The following KCNH5 variants were observed in gnomAD, a reference collection of about 807,000 sequenced individuals.
The protein encoded by KCNH5 is voltage-gated delayed rectifier potassium channel KCNH5.
KCNH5 carries 46 observed loss-of-function variants against 96.1 expected under a neutral mutation model. The observed-to-expected ratio is 0.48, with a 90% CI of 0.38 to 0.61. The LOEUF (loss-of-function observed/expected upper bound fraction) is 0.61, where lower values mean the gene tolerates loss of function less well. Ranked by LOEUF, KCNH5 falls within the 20% of genes least tolerant of loss-of-function variation. KCNH5 has a pLI of 0.00. For synonymous variants in KCNH5, 439 were observed against 449.8 expected (o/e 0.98, Z 0.30); for missense variants, 907 against 1,225.8 (o/e 0.74, Z 3.88).
At chr14:62,963,454 T>C (rs1295926882) in intron 6 of KCNH5, among the ~76,000 whole-genome samples, 1 of 152,058 alleles carries the variant, frequency 6.6e-6, no homozygotes, top group East Asian at 1.9e-4. Flanking sequence ...AGTTCCACAG[T>C]CTGCCATCTG....
chr14:62,830,779 C>A (rs559144903), intron 8 of KCNH5, among the ~76,000 whole-genome samples: 3 of 152,146 alleles, frequency 2.0e-5, no homozygotes, highest in Non-Finnish European at 4.4e-5. Context: ...AGAGTTAGGT[C>A]AAGGGAGGAT....
intron 7 of KCNH5, among the ~76,000 whole-genome samples, chr14:62,858,231 C>G (rs1887967261): frequency 6.6e-6 from 1 of 152,196 alleles, no homozygotes; most frequent in Non-Finnish European, 1.5e-5. Context: ...ACTACCCATT[C>G]TGTAGTCCTT....
At chr14:63,001,084 CA>C (rs1325487683) in intron 4 of KCNH5, among the ~76,000 whole-genome samples, 5 of 151,710 alleles carry the variant, frequency 3.3e-5, no homozygotes, top group South Asian at 4.2e-4. Flanking sequence ...AAAAGACAAA[CA>C]AAAAAAATGC....
chr14:62,828,634 A>C (rs537599412), intron 8 of KCNH5, among the ~76,000 whole-genome samples: 8 of 152,272 alleles, frequency 5.3e-5, no homozygotes, highest in South Asian at 4.1e-4. Context: ...AGCATGGAGG[A>C]AACTTCCCCC....
chr14:62,780,400 C>A (rs1253372533), intron 9 of KCNH5, among the ~76,000 whole-genome samples: 1 of 152,038 alleles, frequency 6.6e-6, no homozygotes, highest in Non-Finnish European at 1.5e-5. Context: ...GTGCCCCAAG[C>A]CAATTAAAAC....
intron 10 of KCNH5, among the ~76,000 whole-genome samples, chr14:62,728,250 G>C (rs938826982): frequency 5.3e-5 from 8 of 151,544 alleles, no homozygotes; most frequent in Admixed American, 5.3e-4. Flanking sequence ...AGCTGGGCGT[G>C]GTGGCAGGTG....
At chr14:62,799,720 TATATATACAC>T (rs1886615767) in intron 9 of KCNH5, among the ~76,000 whole-genome samples, 1 of 114,868 alleles carries the variant, frequency 8.7e-6, no homozygotes, top group African/African-American at 3.2e-5. Context: ...TATATATATA[TATATATACAC>T]ACACACACAC....
rs375209301 is a variant in KCNH5, at chr14:62,776,395, G to T, written c.2019+3333C>A. Among the ~76,000 whole-genome samples, 33 of 152,208 alleles carry T rather than the reference G, an allele frequency of 2.2e-4. 1 individual carries two copies. Among genetic ancestry groups the T allele is most frequent in the African/African-American group, 7.7e-4 (32 of 41,528 alleles). The stretch of plus-strand genomic sequence containing the variant: ...CTTGTCTCTCTTATGTGGGAACACA[G>T]TGAGAAGCTGGATATTTGCAAGCCA... On this transcript the variant is annotated intron_variant, in intron 10 of 10. Transcript: ENST00000322893.
intron 8 of KCNH5, among the ~76,000 whole-genome samples, chr14:62,823,444 T>C (rs1377256905): frequency 2.0e-5 from 3 of 152,054 alleles, no homozygotes; most frequent in African/African-American, 7.2e-5. Context: ...GTATGAGTAA[T>C]GGAGTCATGG....
intron 10 of KCNH5, among the ~76,000 whole-genome samples, chr14:62,750,413 C>T (rs1235605422): frequency 6.6e-6 from 1 of 152,192 alleles, no homozygotes; most frequent in African/African-American, 2.4e-5. Flanking sequence ...AAGCCCTGAC[C>T]TTTAGCCCAT....
chr14:62,797,548 G>A (rs1158125481), intron 9 of KCNH5, among the ~76,000 whole-genome samples: 2 of 152,120 alleles, frequency 1.3e-5, no homozygotes, highest in Non-Finnish European at 1.5e-5. Context: ...AACAGCAAGT[G>A]CACAGGAAGA....
chr14:63,001,682 C>A (rs1427745014), intron 3 of KCNH5, among the ~76,000 whole-genome samples: 1 of 152,204 alleles, frequency 6.6e-6, no homozygotes. Context: ...GCCAAAATAT[C>A]AAAATTCTAA....
intron 6 of KCNH5, among the ~76,000 whole-genome samples, chr14:62,964,411 A>C (rs1224884525): frequency 6.6e-6 from 1 of 152,036 alleles, no homozygotes; most frequent in East Asian, 1.9e-4. Flanking sequence ...GTCATTATCT[A>C]TATCCTATTG....
chr14:62,926,822 T>C (rs549800245), intron 7 of KCNH5, among the ~76,000 whole-genome samples: 3 of 152,212 alleles, frequency 2.0e-5, no homozygotes, highest in Admixed American at 2.0e-4. Flanking sequence ...ATTTAACACA[T>C]GAAATTGAGG....
intron 10 of KCNH5, among the ~76,000 whole-genome samples, chr14:62,754,792 T>C (rs1366962846): frequency 1.3e-5 from 2 of 151,774 alleles, no homozygotes; most frequent in African/African-American, 2.4e-5. Flanking sequence ...GGAAAATTGC[T>C]TGAACCCAGG....
chr14:62,998,583 T>C (rs1226440535), intron 4 of KCNH5, among the ~76,000 whole-genome samples: 1 of 152,176 alleles, frequency 6.6e-6, no homozygotes, highest in Admixed American at 6.5e-5. Context: ...TTCTAATATA[T>C]GCATTTAATG....
At chr14:62,909,830 AC>A (rs1466945060) in intron 7 of KCNH5, among the ~76,000 whole-genome samples, 2 of 151,054 alleles carry the variant, frequency 1.3e-5, no homozygotes, top group East Asian at 3.9e-4. Context: ...GAGAGTACAA[AC>A]CCCCCAAACA....
At chr14:63,030,996 A>C (rs538148038) in intron 1 of KCNH5, among the ~76,000 whole-genome samples, 43 of 152,208 alleles carry the variant, frequency 2.8e-4, no homozygotes, top group African/African-American at 9.9e-4. Context: ...CTGAGTTAGA[A>C]CCTGCATTTT....
At chr14:62,993,001 TA>T (rs56759107) in intron 4 of KCNH5, among the ~76,000 whole-genome samples, 8,518 of 152,096 alleles carry the variant, frequency 0.056, 365 homozygotes, top group African/African-American at 0.12. Context: ...TGACAAGAGA[TA>T]GGGGGGTCCT....
Sources: gnomAD v4.1 joint callset for allele counts (sites outside exome capture counted in the v4.1 genomes callset) on GRCh38, gnomAD v4.1.1 for gene constraint, MANE v1.5 for transcripts, NCBI Gene and HGNC (gene_info 2026-07-23, HGNC 2026-07-21) for gene names.